NIN: variants seen among roughly 807,000 people sequenced by gnomAD.
NIN encodes the protein glycogen synthase kinase 3 beta-interacting protein.
In NIN, 137 loss-of-function variants were observed where a neutral mutation model predicts 257.6. That is an observed-to-expected ratio of 0.53 (90% confidence interval 0.46 to 0.61). NIN has a LOEUF of 0.61. Among genes scored for constraint, NIN ranks in the 20% least tolerant of loss-of-function variants. The pLI is 0.00. For missense variants in NIN, 2,439 were observed against 2,501.2 expected, an observed-to-expected ratio of 0.98 and a Z score of 0.53; for synonymous variants, 918 against 919.8, an observed-to-expected ratio of 1.00 and a Z score of 0.04.
At chr14:50,727,643 C>T (rs929414526) in intron 29 of NIN, 1 of 1,443,282 alleles carries the variant, frequency 6.9e-7, no homozygotes, top group Non-Finnish European at 9.4e-7. Context: ...TGGGTGTGTG[C>T]ATCTGTCTGC....
chr14:50,727,277 A>C (rs1348198327), intron 29 of NIN: 1 of 977,688 alleles, frequency 1.0e-6, no homozygotes, highest in African/African-American at 1.7e-5. Flanking sequence ...ATTTCCTGTC[A>C]AAAAGATTTG....
chr14:50,756,372 G>A (rs1347386112), intron 18 of NIN, 120 bp downstream of exon 18: 2 of 1,048,446 alleles, frequency 1.9e-6, no homozygotes, highest in Non-Finnish European at 1.4e-6. Flanking sequence ...GAAGTCTAGA[G>A]AGTACTGCTC....
Position 50,720,958 on chromosome 14 carries a change from CTT to C in NIN, c.*2503_*2504del, listed in dbSNP as rs1375712634. The C allele has an allele frequency of 5.2e-6, 1 of 192,576 alleles. No individual in the cohort carries two copies. Among genetic ancestry groups the C allele is most frequent in the Non-Finnish European group, 1.1e-5 (1 of 92,134 alleles). The allele number at this position is 192,576 out of a possible 1,614,324, so 11.9% of individuals were successfully genotyped here. On this transcript the variant is annotated 3_prime_UTR_variant, in exon 31 of 31. Coordinates refer to ENST00000530997, the MANE Select transcript of NIN (RefSeq NM_020921.4). The stretch of plus-strand genomic sequence containing the variant: ...AACTAAATGCCTATAAAATATATAA[CTT>C]AATATTTTGAAGAATGCTATTGTAA...
At chr14:50,765,085 A>T (rs1191705914) in intron 14 of NIN, among the ~76,000 whole-genome samples, 2 of 146,164 alleles carry the variant, frequency 1.4e-5, no homozygotes, top group Non-Finnish European at 1.5e-5. Context: ...AAAAAAAAAA[A>T]AAAAAAATTA....
intron 4 of NIN, among the ~76,000 whole-genome samples, chr14:50,793,784 G>A (rs747708594): frequency 6.6e-6 from 1 of 151,982 alleles, no homozygotes; most frequent in Non-Finnish European, 1.5e-5. Context: ...TTCTACAATT[G>A]GAGCTTTAAA....
chr14:50,767,703 G>T (rs1372387542), intron 12 of NIN, among the ~76,000 whole-genome samples: 11 of 151,832 alleles, frequency 7.2e-5, no homozygotes, highest in Admixed American at 7.2e-4. Flanking sequence ...TGTAGTCCCA[G>T]CTACTTGGGA....
Position 50,783,871 on chromosome 14 carries a change from T to C in NIN, c.436-5067A>G, listed in dbSNP as rs116104134. Among the ~76,000 whole-genome samples the C allele has an allele frequency of 2.6e-3, 398 of 152,054 alleles. 4 individuals are homozygous for C. The highest frequency in any genetic ancestry group is 8.7e-3 in the African/African-American group (359 of 41,450). ...ATTGCTGATGACTTACCCAGCACAG[T>C]GGAAGCCTGGCAGGTGGCCTGTAGA... On this transcript the variant is annotated intron_variant, in intron 5 of 30. Transcript: ENST00000530997.
intron 21 of NIN, among the ~76,000 whole-genome samples, chr14:50,748,676 T>C (rs889308765): frequency 2.0e-5 from 3 of 151,548 alleles, no homozygotes; most frequent in Non-Finnish European, 4.4e-5. Context: ...TATATACCAA[T>C]GATAGCCAAA....
intron 2 of NIN, among the ~76,000 whole-genome samples, chr14:50,825,916 T>G (rs1264931780): frequency 6.6e-6 from 1 of 152,240 alleles, no homozygotes; most frequent in Non-Finnish European, 1.5e-5. Flanking sequence ...ACCAGGGATA[T>G]ACAGATAGAA....
At chr14:50,789,904 A>AT (rs1192322957) in intron 5 of NIN, among the ~76,000 whole-genome samples, 4 of 152,352 alleles carry the variant, frequency 2.6e-5, no homozygotes, top group African/African-American at 9.6e-5. Context: ...AGTAAGTAAC[A>AT]AGACTGATGC....
At chr14:50,771,166 G>T (rs1236738134) in intron 10 of NIN, among the ~76,000 whole-genome samples, 166 bp downstream of exon 10, 15 of 152,178 alleles carry the variant, frequency 9.9e-5, no homozygotes, top group Admixed American at 9.8e-4. Flanking sequence ...GTCAATCTAA[G>T]TTCTCCTTAA....
chr14:50,784,923 T>C (rs2043279995), intron 5 of NIN, among the ~76,000 whole-genome samples: 1 of 152,132 alleles, frequency 6.6e-6, no homozygotes, highest in Non-Finnish European at 1.5e-5. Flanking sequence ...ACTATGCCAG[T>C]GTACTGGCCA....
chr14:50,766,448 A>G, intron 13 of NIN, 52 bp from the exon 14 acceptor site: 1 of 1,523,358 alleles, frequency 6.6e-7, no homozygotes, highest in Non-Finnish European at 9.1e-7. Context: ...CCCTTCTTTG[A>G]CCCAACACAG....
chr14:50,753,831 T>C (rs2041906357), intron 20 of NIN, among the ~76,000 whole-genome samples: 1 of 152,208 alleles, frequency 6.6e-6, no homozygotes, highest in Non-Finnish European at 1.5e-5. Flanking sequence ...AAGACGCTTA[T>C]TGAATTTGCA....
rs748036063 is a variant in NIN at position 50,758,471 on chromosome 14, C to T, written c.2559G>A (p.Glu853=). 8 of 1,614,242 alleles carry T rather than the reference C, an allele frequency of 5.0e-6. No homozygotes were observed. The highest frequency in any genetic ancestry group is 4.4e-5 in the South Asian group (4 of 91,088). Residue 853 remains glutamate, a synonymous_variant, in exon 18 of 31, where the codon GAG becomes GAA. Transcript: ENST00000530997. ...TCTCAAATTCCCACTGGGATTTCTC[C>T]TCACGCTGCTGTTCCTGGAGGTCCT... is the stretch of plus-strand genomic sequence containing the variant. ...ELKDLQEQQR[E]EKSQWEFEKD...
intron 3 of NIN, among the ~76,000 whole-genome samples, chr14:50,817,616 G>A (rs1210926236): frequency 6.6e-6 from 1 of 152,126 alleles, no homozygotes; most frequent in Non-Finnish European, 1.5e-5. Context: ...ACTTTATAGT[G>A]TGCCAGGGAC....
intron 3 of NIN, among the ~76,000 whole-genome samples, chr14:50,811,544 CTTTTT>C (rs55734117): frequency 9.3e-5 from 7 of 75,296 alleles, no homozygotes; most frequent in Non-Finnish European, 1.2e-4. Context: ...AATGGTCAAG[CTTTTT>C]TTTTTTTTTT....
chr14:50,806,777 C>T lies in NIN; in HGVS notation c.225G>A (p.Leu75=), dbSNP rs1212528958. Residue 75 remains leucine (L), a synonymous_variant, in exon 4 of 31, where the codon TTG becomes TTA. Coordinates refer to ENST00000530997, the MANE Select transcript of NIN (RefSeq NM_020921.4). ...DQFKEALILI[L]SRTLSNEEHF... is the part of the protein sequence containing the mutation. ...GTTCTTCATTTGACAGAGTTCTGGACAAGATGAGTATTAATGCTTCTTTAA... is the reference window on the plus strand; with the variant it reads ...GTTCTTCATTTGACAGAGTTCTGGATAAGATGAGTATTAATGCTTCTTTAA... 1.3e-6 allele frequency: 2 copies of T among 1,587,232 alleles called. No homozygotes were observed. The highest frequency in any genetic ancestry group is 1.1e-5 in the South Asian group (1 of 89,938).
At chr14:50,755,648 CTTTTTTTTTTTTTTTT>C (rs71118900) in intron 18 of NIN, among the ~76,000 whole-genome samples, 26,403 of 80,236 alleles carry the variant, frequency 0.33, 3,399 homozygotes, top group South Asian at 0.47. Context: ...TGTTTTGTCT[CTTTTTTTTTTTTTTTT>C]TTTTTTTTTT....
Sources: allele counts gnomAD v4.1 joint callset (sites outside exome capture counted in the v4.1 genomes callset), GRCh38; gene constraint gnomAD v4.1.1; transcripts MANE v1.5; gene names NCBI Gene and HGNC (gene_info 2026-07-23, HGNC 2026-07-21).